LRRC4C: variants seen among roughly 807,000 people sequenced by gnomAD.
LRRC4C encodes the protein leucine-rich repeat-containing protein 4C.
LRRC4C carries 5 observed loss-of-function variants against 33.6 expected under a neutral mutation model. The ratio of observed to expected loss-of-function variants is 0.15; its 90% CI spans 0.08 to 0.31. The LOEUF (loss-of-function observed/expected upper bound fraction) is 0.31. Ranked by LOEUF, LRRC4C falls within the 10% of genes least tolerant of loss-of-function variation. LRRC4C has a pLI of 1.00. For missense variants in LRRC4C, 560 were observed against 796.7 expected (o/e 0.70, Z 3.58); for synonymous variants, 329 against 302.0 (o/e 1.09, Z -0.93).
intron 2 of LRRC4C, among the ~76,000 whole-genome samples, chr11:40,711,829 T>C (rs534193279): frequency 1.3e-5 from 2 of 152,270 alleles, no homozygotes; most frequent in South Asian, 2.1e-4. Flanking sequence ...AATTTATAAG[T>C]TGGAAACATA....
intron 2 of LRRC4C, among the ~76,000 whole-genome samples, chr11:40,696,290 A>G (rs1945513934): frequency 6.9e-6 from 1 of 144,634 alleles, no homozygotes; most frequent in South Asian, 2.1e-4. Flanking sequence ...ACATATATAT[A>G]TATATATATG....
intron 1 of LRRC4C, among the ~76,000 whole-genome samples, chr11:40,959,503 A>T (rs1009348407): frequency 5.9e-5 from 9 of 151,838 alleles, no homozygotes; most frequent in African/African-American, 2.2e-4. Context: ...TAATGCCAAA[A>T]TGTTAACATG....
chr11:40,333,217 T>C (rs1209516595), intron 3 of LRRC4C, among the ~76,000 whole-genome samples: 1 of 152,116 alleles, frequency 6.6e-6, no homozygotes, highest in African/African-American at 2.4e-5. Context: ...TTAAGCTCAG[T>C]TTTATTAGTG....
chr11:41,074,788 T>TA (rs1938981306), intron 1 of LRRC4C, among the ~76,000 whole-genome samples: 1 of 152,136 alleles, frequency 6.6e-6, no homozygotes, highest in Admixed American at 6.6e-5. Context: ...TGACTTTCAT[T>TA]ATGGAGTAGC....
chr11:40,529,771 C>T (rs543376386), intron 3 of LRRC4C, among the ~76,000 whole-genome samples: 1 of 152,126 alleles, frequency 6.6e-6, no homozygotes, highest in East Asian at 1.9e-4. Context: ...TTCTTCATAC[C>T]TTATCTTTCT....
intron 2 of LRRC4C, among the ~76,000 whole-genome samples, chr11:40,845,183 T>C (rs574953378): frequency 6.6e-6 from 1 of 152,298 alleles, no homozygotes; most frequent in African/African-American, 2.4e-5. Context: ...TACCTTAAGT[T>C]CTGACATACA....
chr11:41,109,918 G>T (rs1465522947), intron 1 of LRRC4C, among the ~76,000 whole-genome samples: 1 of 151,780 alleles, frequency 6.6e-6, no homozygotes, highest in Non-Finnish European at 1.5e-5. Flanking sequence ...CTTTTTCTTC[G>T]AGATCATTTC....
intron 3 of LRRC4C, among the ~76,000 whole-genome samples, chr11:40,455,524 T>C (rs896129871): frequency 6.6e-6 from 1 of 152,238 alleles, no homozygotes; most frequent in African/African-American, 2.4e-5. Context: ...GGGGGGCAGC[T>C]AGTTTCCTAT....
intron 1 of LRRC4C, among the ~76,000 whole-genome samples, chr11:41,176,133 C>A (rs1210308484): frequency 6.6e-6 from 1 of 152,096 alleles, no homozygotes; most frequent in East Asian, 1.9e-4. Flanking sequence ...CTATTGCATT[C>A]TCATAGCTGC....
chr11:41,347,334 C>T (rs533835523), intron 1 of LRRC4C, among the ~76,000 whole-genome samples: 1 of 152,280 alleles, frequency 6.6e-6, no homozygotes, highest in Admixed American at 6.5e-5. Context: ...TAAGTTAATA[C>T]AGGCATTTAA....
intron 2 of LRRC4C, among the ~76,000 whole-genome samples, chr11:40,831,130 C>T: frequency 6.6e-6 from 1 of 152,094 alleles, no homozygotes; most frequent in East Asian, 1.9e-4. Context: ...AACAAGCTTG[C>T]AGCTGGAATC....
At chr11:40,654,504 C>T (rs997257160) in intron 2 of LRRC4C, among the ~76,000 whole-genome samples, 2 of 152,140 alleles carry the variant, frequency 1.3e-5, no homozygotes, top group Non-Finnish European at 2.9e-5. Context: ...GGACCTACAG[C>T]CCCTTTGTTT....
At chr11:41,291,553 GA>G (rs1949993373) in intron 1 of LRRC4C, among the ~76,000 whole-genome samples, 1 of 152,078 alleles carries the variant, frequency 6.6e-6, no homozygotes. Flanking sequence ...CTAACAATGG[GA>G]GAAGAAATAT....
chr11:40,880,737 T>C (rs571072657), intron 2 of LRRC4C, among the ~76,000 whole-genome samples: 23 of 151,792 alleles, frequency 1.5e-4, no homozygotes, highest in African/African-American at 5.5e-4. Context: ...TTCCAGTATC[T>C]GAGACAACTC....
intron 2 of LRRC4C, among the ~76,000 whole-genome samples, chr11:40,719,223 ATCT>A (rs1946882978): frequency 6.6e-6 from 1 of 152,224 alleles, no homozygotes; most frequent in African/African-American, 2.4e-5. Context: ...ACATGTAATC[ATCT>A]CTTGAAAAAG....
At chr11:40,918,015 G>A (rs2136332254) in intron 2 of LRRC4C, among the ~76,000 whole-genome samples, 1 of 152,158 alleles carries the variant, frequency 6.6e-6, no homozygotes, top group East Asian at 1.9e-4. Flanking sequence ...CACATTCCTA[G>A]AACAATGCCA....
chr11:40,402,939 A>T (rs1565353926), intron 3 of LRRC4C, among the ~76,000 whole-genome samples: 1 of 152,086 alleles, frequency 6.6e-6, no homozygotes, highest in Non-Finnish European at 1.5e-5. Context: ...TGTACTTATA[A>T]TGTTGTTCAT....
In LRRC4C at chr11:41,012,212, A is replaced by G. The variant is rs565738227; in HGVS notation, c.-495-78489T>C. ...ATCAAACTCTATAGCTATACCCATT[A>G]ATTAATCTTTCTTTATCCTCTTCTT... On this transcript the variant is annotated intron_variant, in intron 1 of 6. Coordinates refer to ENST00000528697, the MANE Select transcript of LRRC4C (RefSeq NM_001258419.2). Among the ~76,000 whole-genome samples, 19 of 152,080 alleles carry G rather than the reference A, an allele frequency of 1.2e-4. No individual in the cohort carries two copies. In the South Asian group the frequency reaches 3.7e-3, roughly 30 times the overall value.
chr11:41,001,335 C>T (rs1220397923), intron 1 of LRRC4C, among the ~76,000 whole-genome samples: 1 of 152,138 alleles, frequency 6.6e-6, no homozygotes, highest in African/African-American at 2.4e-5. Context: ...AAGAAGGAGA[C>T]CATTGCCATA....
Sources: allele counts gnomAD v4.1 joint callset (sites outside exome capture counted in the v4.1 genomes callset), GRCh38; gene constraint gnomAD v4.1.1; transcripts MANE v1.5; gene names NCBI Gene and HGNC (gene_info 2026-07-23, HGNC 2026-07-21).